PRUNE2: variants seen among roughly 807,000 people sequenced by gnomAD.
PRUNE2 encodes prune homolog 2 with BCH domain.
In PRUNE2, 164 loss-of-function variants were observed where a neutral mutation model predicts 252.0. The observed-to-expected ratio is 0.65, with a 90% CI of 0.57 to 0.74. PRUNE2 has a LOEUF of 0.74. Ranked by LOEUF, PRUNE2 falls within the 30% of genes least tolerant of loss-of-function variation. The pLI, the probability that PRUNE2 is intolerant of heterozygous loss-of-function variation, is 0.00. For synonymous variants in PRUNE2, 1,292 were observed against 1,350.2 expected, an observed-to-expected ratio of 0.96 and a Z score of 0.94; for missense variants, 3,495 against 3,711.0, an observed-to-expected ratio of 0.94 and a Z score of 1.51.
chr9:76,760,215 C>T (rs1327570758), intron 6 of PRUNE2, among the ~76,000 whole-genome samples: 1 of 152,164 alleles, frequency 6.6e-6, no homozygotes, highest in East Asian at 1.9e-4. Context: ...ACCCGGCACA[C>T]AGCAGGCACT....
rs2046592659 is a variant in PRUNE2, at chr9:76,709,927, C to T, written c.2347G>A (p.Gly783Arg). The T allele has an allele frequency of 6.2e-7, 1 of 1,613,664 alleles. No individual in the cohort carries two copies. Among genetic ancestry groups the T allele is most frequent in the Non-Finnish European group, 8.5e-7 (1 of 1,179,824 alleles). Residue 783 changes from glycine to arginine, a missense_variant, in exon 8 of 19, where the codon GGA becomes AGA. Gly to Arg is a moderately radical substitution (Grantham distance 125). Transcript: ENST00000376718. ...RSPTAMPEPW[G>R]NPTDDGEPAA... Reference sequence around the variant, plus strand: ...GGTTCACCATCATCTGTAGGATTTCCCCAGGGCTCGGGCATGGCTGTGGGA... The same window carrying T: ...GGTTCACCATCATCTGTAGGATTTCTCCAGGGCTCGGGCATGGCTGTGGGA...
At chr9:76,789,900 A>C (rs935955863) in intron 6 of PRUNE2, among the ~76,000 whole-genome samples, 10 of 152,274 alleles carry the variant, frequency 6.6e-5, no homozygotes, top group African/African-American at 2.4e-4. Context: ...AGAGGAGCTC[A>C]TGGCCCTGGT....
intron 4 of PRUNE2, among the ~76,000 whole-genome samples, chr9:76,834,533 T>G (rs1354111680): frequency 6.6e-6 from 1 of 152,162 alleles, no homozygotes; most frequent in African/African-American, 2.4e-5. Flanking sequence ...AGAATCCAGT[T>G]TCTTTGATTT....
At chr9:76,686,653 G>A (rs2044129359) in intron 9 of PRUNE2, among the ~76,000 whole-genome samples, 1 of 152,056 alleles carries the variant, frequency 6.6e-6, no homozygotes, top group South Asian at 2.1e-4. Context: ...GTCAGGGTCT[G>A]ACTGTGTTGT....
intron 6 of PRUNE2, among the ~76,000 whole-genome samples, chr9:76,772,540 T>C (rs772405636): frequency 2.0e-5 from 3 of 152,120 alleles, no homozygotes; most frequent in East Asian, 1.9e-4. Context: ...CAAGGTTAAC[T>C]GCAACTTGTG....
At position 76,807,073 on chromosome 9, in the gene PRUNE2, T is replaced by C. The variant is rs544887186; in HGVS notation, c.756+16559A>G. Among the ~76,000 whole-genome samples the C allele has an allele frequency of 8.8e-5, 13 of 147,570 alleles. No homozygotes were observed. The Middle Eastern group carries it at 0.01, about 117-fold the overall frequency. ...GTGTGCGCGCGCGCGTGTGTCTGTC[T>C]CTCTCTCTTAGACAGGGTCTTGCTT... is the stretch of plus-strand genomic sequence containing the variant. On this transcript the variant is annotated intron_variant, in intron 6 of 18. Coordinates refer to ENST00000376718, the MANE Select transcript of PRUNE2 (RefSeq NM_015225.3).
intron 12 of PRUNE2, among the ~76,000 whole-genome samples, chr9:76,638,795 C>T (rs1412576986): frequency 6.6e-6 from 1 of 152,178 alleles, no homozygotes; most frequent in Non-Finnish European, 1.5e-5. Flanking sequence ...AACATAATCT[C>T]TCATCCACAC....
chr9:76,634,355 A>G (rs1244559531), intron 15 of PRUNE2, among the ~76,000 whole-genome samples: 3 of 152,190 alleles, frequency 2.0e-5, no homozygotes, highest in Non-Finnish European at 2.9e-5. Flanking sequence ...GTTAAACTAC[A>G]TTTGGCTTGA....
At chr9:76,663,583 C>T (rs766830473) in intron 9 of PRUNE2, among the ~76,000 whole-genome samples, 5 of 152,138 alleles carry the variant, frequency 3.3e-5, no homozygotes, top group Non-Finnish European at 7.3e-5. Flanking sequence ...TGAATTGTTC[C>T]CTGAATAGAG....
intron 9 of PRUNE2, among the ~76,000 whole-genome samples, chr9:76,681,265 TG>T (rs976286951): frequency 6.6e-6 from 1 of 152,028 alleles, no homozygotes; most frequent in African/African-American, 2.4e-5. Flanking sequence ...GAAAGTAGAA[TG>T]GTGGTTGCCA....
intron 6 of PRUNE2, among the ~76,000 whole-genome samples, chr9:76,717,722 C>A (rs535058653): frequency 6.6e-6 from 1 of 152,266 alleles, no homozygotes; most frequent in Non-Finnish European, 1.5e-5. Context: ...TGACCCCAGC[C>A]TATAACTGCT....
intron 16 of PRUNE2, among the ~76,000 whole-genome samples, chr9:76,624,821 AG>A (rs1833964199): frequency 6.6e-6 from 1 of 152,204 alleles, no homozygotes; most frequent in African/African-American, 2.4e-5. Context: ...GGGCCAAGTC[AG>A]GGATGTATCT....
chr9:76,708,271 C>T lies in PRUNE2; in HGVS notation c.4003G>A (p.Asp1335Asn). Residue 1335 changes from aspartate to asparagine, a missense_variant, in exon 8 of 19, where the codon GAC becomes AAC. By Grantham distance (23) the Asp-to-Asn change is conservative (BLOSUM62 1). Transcript: ENST00000376718. ...ESEKEAQGAT[D>N]RGHLDEEEVI... Reference sequence around the variant, plus strand: ...TCCTCTTCATCAAGGTGCCCCCTGTCAGTGGCTCCCTGGGCTTCCTTCTCA... The same window carrying T: ...TCCTCTTCATCAAGGTGCCCCCTGTTAGTGGCTCCCTGGGCTTCCTTCTCA... 1 of 1,613,880 alleles carries T rather than the reference C, an allele frequency of 6.2e-7. No individual in the cohort carries two copies. The highest frequency in any genetic ancestry group is 8.5e-7 in the Non-Finnish European group (1 of 1,179,884).
chr9:76,691,197 A>G (rs113445821), intron 9 of PRUNE2, among the ~76,000 whole-genome samples: 5 of 152,338 alleles, frequency 3.3e-5, no homozygotes, highest in Admixed American at 1.3e-4. Flanking sequence ...AGCAGCTTAC[A>G]TAAGATCAAA....
chr9:76,619,269 G>A, intron 18 of PRUNE2, 71 bp downstream of exon 18: 2 of 1,037,086 alleles, frequency 1.9e-6, no homozygotes, highest in Middle Eastern at 4.0e-4. Flanking sequence ...TCCTCAGTGT[G>A]TTTTCTTTCA....
At chr9:76,664,275 T>C (rs1476211769) in intron 9 of PRUNE2, among the ~76,000 whole-genome samples, 1 of 151,952 alleles carries the variant, frequency 6.6e-6, no homozygotes, top group African/African-American at 2.4e-5. Flanking sequence ...CTGTGGAGAG[T>C]CCATGTGGCA....
intron 2 of PRUNE2, among the ~76,000 whole-genome samples, chr9:76,851,343 C>G (rs937635555): frequency 4.6e-5 from 7 of 152,206 alleles, no homozygotes; most frequent in Admixed American, 3.3e-4. Flanking sequence ...GTCAGGAGAT[C>G]GAGACCATCC....
chr9:76,716,022 C>G (rs1428683477), intron 6 of PRUNE2, among the ~76,000 whole-genome samples: 2 of 152,062 alleles, frequency 1.3e-5, no homozygotes, highest in East Asian at 1.9e-4. Flanking sequence ...ATTTATAAAC[C>G]CTTGAAAGAA....
intron 6 of PRUNE2, chr9:76,784,174 CT>C (rs1295110612): frequency 6.6e-6 from 1 of 152,222 alleles, no homozygotes; most frequent in African/African-American, 2.4e-5. Context: ...CGCCCTGTGC[CT>C]GGTCCCGCTT....
Sources: allele counts gnomAD v4.1 joint callset (sites outside exome capture counted in the v4.1 genomes callset), GRCh38; gene constraint gnomAD v4.1.1; transcripts MANE v1.5; gene names NCBI Gene and HGNC (gene_info 2026-07-23, HGNC 2026-07-21).